The following DPY19L3 variants were observed in gnomAD, a reference collection of about 807,000 sequenced individuals.
The protein encoded by DPY19L3 is dpy-19 like C-mannosyltransferase 3, also known as protein C-mannosyl-transferase DPY19L3.
DPY19L3 carries 51 observed loss-of-function variants against 92.3 expected under a neutral mutation model. The ratio of observed to expected loss-of-function variants is 0.55; its 90% confidence interval spans 0.44 to 0.70. The LOEUF (loss-of-function observed/expected upper bound fraction) is 0.70. Ranked by LOEUF, DPY19L3 falls within the 30% of genes least tolerant of loss-of-function variation. The probability of loss-of-function intolerance (pLI) is 0.00; values close to 1 mark genes in which losing one functional copy is unlikely to be tolerated. For missense variants in DPY19L3, 706 were observed against 855.9 expected, an observed-to-expected ratio of 0.82 and a Z score of 2.18; for synonymous variants, 309 against 315.2, an observed-to-expected ratio of 0.98 and a Z score of 0.21.
chr19:32,464,794 A>C lies in DPY19L3; in HGVS notation c.1614+10A>C. On this transcript the variant is annotated intron_variant, in intron 15 of 18. Transcript: ENST00000392250. ...GTATCTATGCTATAAGGTAAGACTG[A>C]TTTTCCTCATTCTTGTCATTCATGT... The C allele has an allele frequency of 2.7e-6, 4 of 1,496,648 alleles. No homozygotes were observed. Among genetic ancestry groups the C allele is most frequent in the Non-Finnish European group, 3.6e-6 (4 of 1,106,352 alleles). The allele number at this position is 1,496,648 out of a possible 1,614,324, so 92.7% of individuals were successfully genotyped here.
chr19:32,447,388 A>G (rs766469466), intron 8 of DPY19L3, among the ~76,000 whole-genome samples: 2 of 152,312 alleles, frequency 1.3e-5, no homozygotes, highest in African/African-American at 2.4e-5. Flanking sequence ...GCAGAAATCA[A>G]TGCTATTGAA....
At chr19:32,457,722 G>A (rs1050460729) in intron 10 of DPY19L3, among the ~76,000 whole-genome samples, 5 of 152,084 alleles carry the variant, frequency 3.3e-5, no homozygotes, top group East Asian at 3.9e-4. Context: ...CTTTGTGGGC[G>A]GTGTATCTAT....
chr19:32,411,425 T>G (rs1423682565), intron 3 of DPY19L3, 53 bp downstream of exon 3: 1 of 1,599,414 alleles, frequency 6.3e-7, no homozygotes, highest in Non-Finnish European at 8.6e-7. Flanking sequence ...TCTCCAGTAG[T>G]AAGCCATGTG....
At position 32,424,336 on chromosome 19, in the gene DPY19L3, A is replaced by G. The variant is rs1033008100; in HGVS notation, c.238-8380A>G. Among the ~76,000 whole-genome samples, 4 of 151,924 alleles carry G rather than the reference A, an allele frequency of 2.6e-5. No homozygotes were observed. The South Asian group carries it at 8.4e-4, about 32-fold the overall frequency. ...CCCTGTCTCTAAAAAAAAAAAAGAA[A>G]TAAATAAAAAAAAATGGATGGGAGT... is the stretch of plus-strand genomic sequence containing the variant. On this transcript the variant is annotated intron_variant, in intron 3 of 18. Coordinates refer to ENST00000392250, the MANE Select transcript of DPY19L3 (RefSeq NM_001172774.2).
intron 16 of DPY19L3, among the ~76,000 whole-genome samples, chr19:32,469,730 G>A (rs1337942955): frequency 1.3e-5 from 2 of 152,038 alleles, no homozygotes; most frequent in African/African-American, 4.8e-5. Flanking sequence ...CCGGCACTTT[G>A]TTGTTTTGCC....
chr19:32,444,604 A>G (rs1382845436), intron 8 of DPY19L3, among the ~76,000 whole-genome samples: 2 of 152,232 alleles, frequency 1.3e-5, no homozygotes, highest in South Asian at 2.1e-4. Context: ...GGCAAAAGCT[A>G]TAAACCTTCA....
At chr19:32,445,440 C>CAAAAAAAAAAAAAAAA (rs71336904) in intron 8 of DPY19L3, among the ~76,000 whole-genome samples, 695 of 42,802 alleles carry the variant, frequency 0.016, 173 homozygotes, top group Admixed American at 0.052. Flanking sequence ...GACTTCATCT[C>CAAAAAAAAAAAAAAAA]AAAAAAAAAA....
chr19:32,424,788 AAAG>A (rs1299544966), intron 3 of DPY19L3, among the ~76,000 whole-genome samples: 1 of 152,136 alleles, frequency 6.6e-6, no homozygotes, highest in Admixed American at 6.5e-5. Context: ...CAGTTTTGAA[AAAG>A]AAGAACAAAG....
Position 32,482,303 on chromosome 19 carries a change from A to G in DPY19L3, c.*63A>G. The G allele has an allele frequency of 1.3e-6, 2 of 1,559,646 alleles. No individual in the cohort carries two copies. The highest frequency in any genetic ancestry group is 1.2e-5 in the South Asian group (1 of 82,646). On this transcript the variant is annotated 3_prime_UTR_variant, in exon 19 of 19. Coordinates refer to ENST00000392250, the MANE Select transcript of DPY19L3 (RefSeq NM_001172774.2). ...AAACTGCATCATGATGAAACTCAAT[A>G]GATGACGTTTCCTATGTAAGTAGGT...
chr19:32,458,490 G>A lies in DPY19L3; in HGVS notation c.1303G>A (p.Val435Ile), dbSNP rs1969939563. The change falls in exon 12 of 19, where the codon GTT (valine) becomes ATT (isoleucine). Residue 435 changes from valine (V) to isoleucine (I), a missense_variant. Transcript: ENST00000392250. Reference protein sequence around the residue: ...LSITVIVAFVVAFHNLSDSTN... With the variant: ...LSITVIVAFVIAFHNLSDSTN... ...CATCACAGTGATTGTAGCATTCGTT[G>A]TTGCCTTTCATAATCTCAGGTATGG... The A allele has an allele frequency of 1.2e-6, 2 of 1,610,308 alleles. No individual in the cohort carries two copies. The highest frequency in any genetic ancestry group is 1.7e-5 in the Admixed American group (1 of 59,274).
intron 15 of DPY19L3, chr19:32,467,553 G>T (rs1364270582): frequency 9.1e-6 from 9 of 987,472 alleles, no homozygotes; most frequent in Non-Finnish European, 1.1e-5. Context: ...ATTTGAATGA[G>T]CAGTAAAAAT....
chr19:32,482,283 G>A lies in DPY19L3; in HGVS notation c.*43G>A, dbSNP rs748335208. ...TGTCTATTTTTGATACGGAGAAACT[G>A]CATCATGATGAAACTCAATAGATGA... On this transcript the variant is annotated 3_prime_UTR_variant, in exon 19 of 19. Coordinates refer to ENST00000392250, the MANE Select transcript of DPY19L3 (RefSeq NM_001172774.2). The A allele has an allele frequency of 6.3e-7, 1 of 1,588,350 alleles. No individual in the cohort carries two copies. Among genetic ancestry groups the A allele is most frequent in the Non-Finnish European group, 8.6e-7 (1 of 1,169,296 alleles).
intron 8 of DPY19L3, among the ~76,000 whole-genome samples, chr19:32,440,238 T>C (rs1969281077): frequency 6.6e-6 from 1 of 152,258 alleles, no homozygotes; most frequent in Non-Finnish European, 1.5e-5. Flanking sequence ...ACTGCCACTT[T>C]TAAAAAAGAA....
rs535913624 is a variant in DPY19L3 at position 32,437,607 on chromosome 19, G to A, written c.596+268G>A. Among the ~76,000 whole-genome samples, 3 of 152,180 alleles carry A rather than the reference G, an allele frequency of 2.0e-5. No individual in the cohort carries two copies. In the South Asian group the frequency reaches 6.2e-4, roughly 32 times the overall value. On this transcript the variant is annotated intron_variant, in intron 6 of 18. Transcript: ENST00000392250. ...ATCCCAAACCTATTATCTGTTTGCT[G>A]GGTGATCAAGATTTCTCCAGCCGCA... is the stretch of plus-strand genomic sequence containing the variant.
intron 4 of DPY19L3, among the ~76,000 whole-genome samples, chr19:32,434,222 C>T (rs1328020860): frequency 6.6e-6 from 1 of 152,212 alleles, no homozygotes; most frequent in African/African-American, 2.4e-5. Flanking sequence ...ACTTTAGCCT[C>T]TGGCATGCGT....
chr19:32,431,117 C>T (rs893659024), intron 3 of DPY19L3, among the ~76,000 whole-genome samples: 3 of 152,070 alleles, frequency 2.0e-5, no homozygotes, highest in African/African-American at 4.8e-5. Context: ...CAGTGGCTCA[C>T]GCCTGTAATC....
chr19:32,481,887 C>T (rs2145647062), intron 18 of DPY19L3, 192 bp from the exon 19 acceptor site: 1 of 612,012 alleles, frequency 1.6e-6, no homozygotes, highest in Middle Eastern at 4.5e-4. Flanking sequence ...CTCTCCTTCT[C>T]AGCCTTGGTC....
At chr19:32,422,701 A>G in intron 3 of DPY19L3, among the ~76,000 whole-genome samples, 1 of 152,002 alleles carries the variant, frequency 6.6e-6, no homozygotes, top group Admixed American at 6.6e-5. Context: ...CAAAAGTAAA[A>G]GGAAATTTGA....
chr19:32,463,255 A>G, intron 12 of DPY19L3, 111 bp from the exon 13 acceptor site: 1 of 1,201,040 alleles, frequency 8.3e-7, no homozygotes, highest in Non-Finnish European at 1.2e-6. Context: ...TATGGAAATA[A>G]TCAATTTCTG....
Sources: allele counts gnomAD v4.1 joint callset (sites outside exome capture counted in the v4.1 genomes callset), GRCh38; gene constraint gnomAD v4.1.1; transcripts MANE v1.5; gene names NCBI Gene and HGNC (gene_info 2026-07-23, HGNC 2026-07-21).